Variants in AGMO observed in about 807,000 individuals in gnomAD.
The protein encoded by AGMO is alkylglycerol monooxygenase, also known as glyceryl-ether monooxygenase.
A neutral mutation model predicts 60.2 loss-of-function variants in AGMO; 75 were observed. The ratio of observed to expected loss-of-function variants is 1.25; its 90% CI spans 1.03 to 1.51. The LOEUF (loss-of-function observed/expected upper bound fraction) is 1.51, where lower values mean the gene tolerates loss of function less well. AGMO is among the 40% of genes most tolerant of loss of function. The pLI, the probability that AGMO is intolerant of heterozygous loss-of-function variation, is 0.00. For missense variants in AGMO, 763 were observed against 525.5 expected, an observed-to-expected ratio of 1.45 and a Z score of -4.42; for synonymous variants, 261 against 177.1, an observed-to-expected ratio of 1.47 and a Z score of -3.76.
intron 12 of AGMO, among the ~76,000 whole-genome samples, chr7:15,346,094 G>A (rs1782021855): frequency 6.6e-6 from 1 of 152,100 alleles, no homozygotes; most frequent in Non-Finnish European, 1.5e-5. Flanking sequence ...ATTCCCGCTT[G>A]GTTGGTATAG....
At position 15,365,409 on chromosome 7, in the gene AGMO, C is replaced by G. The variant is rs996981943; in HGVS notation, c.1263+105G>C. On this transcript the variant is annotated intron_variant, in intron 12 of 12. Transcript: ENST00000342526. ...AAAAAAAAAAAAGATCAAGATTTCC[C>G]ACATGTACTGGTCAGAAATGAAGTA... 10 of 272,862 alleles carry G rather than the reference C, an allele frequency of 3.7e-5. No homozygotes were observed. The African/African-American group carries it at 7.2e-4, about 20-fold the overall frequency. 16.9% of individuals were successfully genotyped at this position (272,862 alleles called of 1,614,324 possible).
At chr7:15,461,432 A>T (rs1782139568) in intron 3 of AGMO, among the ~76,000 whole-genome samples, 1 of 152,130 alleles carries the variant, frequency 6.6e-6, no homozygotes, top group Non-Finnish European at 1.5e-5. Flanking sequence ...GGATAGTAGT[A>T]ATCATCATGT....
At chr7:15,294,519 T>C (rs1317675733) in intron 12 of AGMO, among the ~76,000 whole-genome samples, 3 of 151,558 alleles carry the variant, frequency 2.0e-5, no homozygotes, top group South Asian at 4.2e-4. Flanking sequence ...AAATACAAAC[T>C]GAATAGGAAA....
the AGMO span, among the ~76,000 whole-genome samples, chr7:15,142,764 G>A: frequency 6.6e-6 from 1 of 152,112 alleles, no homozygotes; most frequent in Non-Finnish European, 1.5e-5. Flanking sequence ...GGGAGAATAC[G>A]AGATTGCCGA....
the AGMO span, among the ~76,000 whole-genome samples, chr7:15,182,990 A>G: frequency 1.2e-4 from 18 of 152,172 alleles, no homozygotes; most frequent in African/African-American, 4.3e-4. Context: ...TCATGAGAAC[A>G]CCAACAGGGG....
rs1782770351 is a variant in AGMO at position 15,247,382 on chromosome 7, G to T, written c.1264-46023C>A. Among the ~76,000 whole-genome samples, 5 of 146,836 alleles carry T rather than the reference G, an allele frequency of 3.4e-5. No homozygotes were observed. In the South Asian group the frequency reaches 1.1e-3, roughly 33 times the overall value. ...AAACAAGGATAGTCTCCAAGTTATA[G>T]TTACATTTTGTTAATATATGACTTG... On this transcript the variant is annotated intron_variant, in intron 12 of 12. Transcript: ENST00000342526.
chr7:15,243,385 G>A (rs1422073248), intron 12 of AGMO, among the ~76,000 whole-genome samples: 3 of 151,816 alleles, frequency 2.0e-5, no homozygotes, highest in Admixed American at 6.6e-5. Flanking sequence ...AACCTTATGA[G>A]CTAGATGTTT....
Position 15,354,423 on chromosome 7 carries a change from C to CACGTGTGTGT in AGMO, c.1263+11090_1263+11091insACACACACGT, listed in dbSNP as rs1782409665. 8.7e-4 allele frequency among the ~76,000 whole-genome samples: 24 copies of CACGTGTGTGT among 27,454 alleles called. 2 individuals are homozygous for CACGTGTGTGT. Among genetic ancestry groups the CACGTGTGTGT allele is most frequent in the African/African-American group, 4.5e-3 (18 of 4,040 alleles). 18.0% of individuals were successfully genotyped at this position (27,454 alleles called of 152,430 possible). On this transcript the variant is annotated intron_variant, in intron 12 of 12. Transcript: ENST00000342526. ...GTGTGTGTACACACGTGTGTGTATA[C>CACGTGTGTGT]ACACACGTGTGTGTATACACACGTG...
chr7:15,294,271 C>T (rs554043201), intron 12 of AGMO, among the ~76,000 whole-genome samples: 93 of 151,976 alleles, frequency 6.1e-4, no homozygotes, highest in Admixed American at 2.4e-3. Flanking sequence ...AACAACTTAG[C>T]TATAACATGC....
intron 4 of AGMO, among the ~76,000 whole-genome samples, chr7:15,429,984 G>A (rs1283342230): frequency 7.2e-6 from 1 of 138,096 alleles, no homozygotes; most frequent in African/African-American, 2.7e-5. Flanking sequence ...AAGATCAGGG[G>A]TCCTGGAACA....
intron 12 of AGMO, among the ~76,000 whole-genome samples, chr7:15,260,575 T>C (rs1752236143): frequency 6.6e-6 from 1 of 152,100 alleles, no homozygotes; most frequent in Admixed American, 6.6e-5. Context: ...AGTGGGGGAC[T>C]TTAATATTCC....
chr7:15,122,876 T>C, the AGMO span, among the ~76,000 whole-genome samples: 4 of 152,050 alleles, frequency 2.6e-5, no homozygotes, highest in Non-Finnish European at 5.9e-5. Flanking sequence ...GAGTGAAACA[T>C]TTAAAACTTA....
intron 10 of AGMO, among the ~76,000 whole-genome samples, chr7:15,368,444 G>A (rs1364916203): frequency 6.6e-6 from 1 of 152,120 alleles, no homozygotes; most frequent in East Asian, 1.9e-4. Flanking sequence ...AAAATCTGTA[G>A]TATGATTGCA....
At chr7:15,177,034 A>C in the AGMO span, among the ~76,000 whole-genome samples, 725 of 152,232 alleles carry the variant, frequency 4.8e-3, 3 homozygotes, top group Non-Finnish European at 7.4e-3. Context: ...TCTTGTGAAG[A>C]TATTTTTTAA....
At chr7:15,376,762 G>A (rs1036524655) in intron 10 of AGMO, among the ~76,000 whole-genome samples, 2 of 151,938 alleles carry the variant, frequency 1.3e-5, no homozygotes, top group African/African-American at 4.8e-5. Flanking sequence ...ATCACCCCAG[G>A]AAGTGGACAC....
chr7:15,449,043 T>C (rs542302480), intron 3 of AGMO, among the ~76,000 whole-genome samples: 4 of 152,262 alleles, frequency 2.6e-5, no homozygotes, highest in African/African-American at 9.6e-5. Context: ...ATGATACAGG[T>C]GTTTGCCCTC....
At chr7:15,170,003 T>C in the AGMO span, among the ~76,000 whole-genome samples, 1 of 152,218 alleles carries the variant, frequency 6.6e-6, no homozygotes, top group Non-Finnish European at 1.5e-5. Context: ...ATGGCAACTG[T>C]GACTAGTTAG....
In AGMO at chr7:15,385,446, A is replaced by T; in HGVS notation, c.1074T>A (p.Ala358=). The T allele has an allele frequency of 1.9e-6, 3 of 1,552,164 alleles. No individual in the cohort carries two copies. The highest frequency in any genetic ancestry group is 2.7e-6 in the Non-Finnish European group (3 of 1,125,494). ...ACTACTTAAAATGGATATTACTTAC[A>T]GCTGTATCTGCAAAGGTCTCTTCAT... The part of the protein sequence containing the change: ...AFYEETFADT[A]ALSQVTLLLR... Residue 358 remains alanine (A), a splice_region_variant and synonymous_variant, in exon 10 of 13, where the codon GCT becomes GCA. Coordinates refer to ENST00000342526, the MANE Select transcript of AGMO (RefSeq NM_001004320.2).
chr7:15,547,721 C>G (rs531947276), intron 2 of AGMO, among the ~76,000 whole-genome samples: 48 of 152,048 alleles, frequency 3.2e-4, no homozygotes, highest in Non-Finnish European at 5.7e-4. Context: ...AACTGCAAGG[C>G]GGCAGCGAGG....
Sources: allele counts gnomAD v4.1 joint callset (sites outside exome capture counted in the v4.1 genomes callset), GRCh38; gene constraint gnomAD v4.1.1; transcripts MANE v1.5; gene names NCBI Gene and HGNC (gene_info 2026-07-23, HGNC 2026-07-21).